Variants in DCBLD2 observed in about 807,000 individuals in gnomAD.
DCBLD2 encodes discoidin, CUB and LCCL domain-containing protein 2.
A neutral mutation model predicts 86.8 loss-of-function variants in DCBLD2; 54 were observed. That is an observed-to-expected ratio of 0.62 (90% CI 0.50 to 0.78). The LOEUF (loss-of-function observed/expected upper bound fraction) is 0.78. Among genes scored for constraint, DCBLD2 ranks in the 30% least tolerant of loss-of-function variants. DCBLD2 has a pLI of 0.00. For synonymous variants in DCBLD2, 354 were observed against 341.3 expected, an observed-to-expected ratio of 1.04 and a Z score of -0.41; for missense variants, 908 against 954.2, an observed-to-expected ratio of 0.95 and a Z score of 0.64.
rs534506927 is a variant in DCBLD2 at position 98,822,034 on chromosome 3, G to A, written c.830+194C>T. 130 of 716,084 alleles carry A rather than the reference G, an allele frequency of 1.8e-4. 1 individual carries two copies. The highest frequency in any genetic ancestry group is 7.9e-4 in the African/African-American group (46 of 58,142). The allele number at this position is 716,084 out of a possible 1,614,324, so 44.4% of individuals were successfully genotyped here. On this transcript the variant is annotated intron_variant, in intron 6 of 15. Transcript: ENST00000326840. The stretch of plus-strand genomic sequence containing the variant: ...GCACTCCAGCCTGGGCAATGAGAGC[G>A]AAACTCTGTCTCAAACAAAACAAAA...
intron 2 of DCBLD2, among the ~76,000 whole-genome samples, chr3:98,864,794 G>A (rs1006923134): frequency 1.7e-4 from 26 of 151,808 alleles, no homozygotes; most frequent in African/African-American, 5.3e-4. Context: ...CATGGCTCAT[G>A]CATACATATG....
chr3:98,815,885 G>A (rs1171224496), intron 9 of DCBLD2: 1 of 151,250 alleles, frequency 6.6e-6, no homozygotes, highest in Admixed American at 6.6e-5. Context: ...AATAAAGAAC[G>A]GAGCATTGGT....
intron 2 of DCBLD2, among the ~76,000 whole-genome samples, chr3:98,860,725 C>G (rs997297318): frequency 6.6e-6 from 1 of 152,144 alleles, no homozygotes; most frequent in Non-Finnish European, 1.5e-5. Context: ...CTAAAGGAAG[C>G]ACTAAACATG....
chr3:98,867,332 T>C (rs929037009), intron 2 of DCBLD2, among the ~76,000 whole-genome samples: 101 of 152,222 alleles, frequency 6.6e-4, no homozygotes, highest in Non-Finnish European at 1.9e-4. Flanking sequence ...ATTCTTCCTA[T>C]CCATGAGCAT....
chr3:98,815,888 G>A (rs1482520197), intron 9 of DCBLD2: 1 of 151,498 alleles, frequency 6.6e-6, no homozygotes, highest in African/African-American at 2.4e-5. Context: ...AAAGAACGGA[G>A]CATTGGTGAA....
At chr3:98,801,880 G>T (rs150241225) in intron 13 of DCBLD2, 666 of 413,436 alleles carry the variant, frequency 1.6e-3, no homozygotes, top group Admixed American at 6.9e-3. Context: ...ACAAAGGACA[G>T]GAACTCATCA....
intron 2 of DCBLD2, among the ~76,000 whole-genome samples, chr3:98,864,167 C>T (rs556207801): frequency 1.3e-5 from 2 of 152,298 alleles, no homozygotes; most frequent in East Asian, 1.9e-4. Context: ...CCACCTCACA[C>T]CAGTTAGAAT....
At chr3:98,803,962 G>T (rs1168529899) in intron 13 of DCBLD2, among the ~76,000 whole-genome samples, 3 of 152,174 alleles carry the variant, frequency 2.0e-5, no homozygotes, top group Non-Finnish European at 4.4e-5. Context: ...TTTTACTGAG[G>T]ATTTTTGCAT....
rs377415899 is a variant in DCBLD2 at position 98,811,274 on chromosome 3, T to C, written c.1496A>G (p.Asn499Ser). The C allele has an allele frequency of 9.3e-6, 15 of 1,613,006 alleles. No homozygotes were observed. Among genetic ancestry groups the C allele is most frequent in the Non-Finnish European group, 1.2e-5 (14 of 1,179,510 alleles). The part of the protein sequence containing the change: ...FTQPLQPRSS[N>S]EFPAQTEQTT... The stretch of plus-strand genomic sequence containing the variant: ...TTGTTCTGTCTGTGCAGGAAATTCA[T>C]TGCTACTGCGAGGTTGTAGTGGTTG... Residue 499 changes from asparagine to serine, a missense_variant, in exon 12 of 16, where the codon AAT (asparagine) becomes AGT (serine). Asn to Ser is a conservative substitution (Grantham distance 46). This residue lies in a region of DCBLD2 where 606 missense variants were observed against 678.5 expected (regional missense o/e 0.89). Transcript: ENST00000326840.
intron 3 of DCBLD2, among the ~76,000 whole-genome samples, chr3:98,841,955 C>A (rs1942629765): frequency 6.6e-6 from 1 of 152,236 alleles, no homozygotes; most frequent in South Asian, 2.1e-4. Context: ...GTCCCAGCTA[C>A]TTGGGAGGCT....
intron 2 of DCBLD2, among the ~76,000 whole-genome samples, chr3:98,856,263 A>G (rs1386982021): frequency 2.6e-5 from 4 of 152,220 alleles, no homozygotes; most frequent in Non-Finnish European, 5.9e-5. Context: ...ACAGTTGTCA[A>G]TTCCTCAATA....
At chr3:98,900,940 T>C in intron 1 of DCBLD2, 182 bp downstream of exon 1, 1 of 1,095,624 alleles carries the variant, frequency 9.1e-7, no homozygotes, top group Non-Finnish European at 1.3e-6. Flanking sequence ...CCGCGCCAAC[T>C]TGGGGGACAG....
chr3:98,830,717 T>TG (rs1942305609), intron 3 of DCBLD2, among the ~76,000 whole-genome samples: 1 of 152,356 alleles, frequency 6.6e-6, no homozygotes, highest in East Asian at 1.9e-4. Flanking sequence ...CTTGGCTATT[T>TG]GGGCTCCTTT....
intron 3 of DCBLD2, among the ~76,000 whole-genome samples, chr3:98,835,933 T>TCTTC (rs1466753227): frequency 1.0e-4 from 3 of 29,504 alleles, no homozygotes; most frequent in Non-Finnish European, 2.0e-4. Context: ...TTCCTTCCTT[T>TCTTC]CTTTCTTTTT....
intron 2 of DCBLD2, among the ~76,000 whole-genome samples, chr3:98,865,498 A>G (rs1236763970): frequency 6.6e-6 from 1 of 152,162 alleles, no homozygotes. Flanking sequence ...CAAGGGACAC[A>G]AAAATTTCAG....
intron 13 of DCBLD2, 112 bp downstream of exon 13, chr3:98,807,969 A>C: frequency 1.3e-6 from 1 of 753,678 alleles, no homozygotes; most frequent in South Asian, 4.2e-5. Flanking sequence ...TTTTCATTTT[A>C]ATAATTACCT....
chr3:98,803,892 A>G (rs1431566835), intron 13 of DCBLD2, among the ~76,000 whole-genome samples: 1 of 152,200 alleles, frequency 6.6e-6, no homozygotes, highest in African/African-American at 2.4e-5. Flanking sequence ...CCAGGGATGA[A>G]GCCCACTTGA....
chr3:98,848,304 A>G (rs764677236), intron 3 of DCBLD2, among the ~76,000 whole-genome samples: 3 of 152,206 alleles, frequency 2.0e-5, no homozygotes, highest in Non-Finnish European at 4.4e-5. Context: ...AGAACATCTC[A>G]TTCTTTTTCA....
intron 9 of DCBLD2, 88 bp downstream of exon 9, chr3:98,817,681 T>C: frequency 7.5e-7 from 1 of 1,336,182 alleles, no homozygotes; most frequent in East Asian, 2.4e-5. Flanking sequence ...TCTAAACTTC[T>C]ACATCTCTTT....
Sources: allele counts gnomAD v4.1 joint callset (sites outside exome capture counted in the v4.1 genomes callset), GRCh38; gene constraint gnomAD v4.1.1; regional missense constraint gnomAD v4.1.1; transcripts MANE v1.5; gene names NCBI Gene and HGNC (gene_info 2026-07-23, HGNC 2026-07-21).